Variants in CNGA1 observed in about 807,000 individuals in gnomAD.
The protein encoded by CNGA1 is cyclic nucleotide-gated channel alpha-1.
Under a neutral mutation model 69.7 loss-of-function variants are expected in CNGA1, and 53 were observed. The ratio of observed to expected loss-of-function variants is 0.76; its 90% CI spans 0.61 to 0.96. The LOEUF is 0.96. Among genes scored for constraint, CNGA1 ranks in the 40% least tolerant of loss-of-function variants. The pLI is 0.00. For missense variants in CNGA1, 739 were observed against 811.2 expected (o/e 0.91, Z 1.08); for synonymous variants, 249 against 283.5 (o/e 0.88, Z 1.22).
chr4:47,993,955 A>C lies in CNGA1; in HGVS notation c.-122-12455T>G, dbSNP rs755565323. ...TTTGACCCAGTGATCATTCAGGAGC[A>C]GGTTATTTAATTTCCATGATTTGCA... On this transcript the variant is annotated intron_variant, in intron 2 of 10. Transcript: ENST00000514170. Among the ~76,000 whole-genome samples, 5 of 152,198 alleles carry C rather than the reference A, an allele frequency of 3.3e-5. No individual in the cohort carries two copies. In the South Asian group the frequency reaches 6.2e-4, roughly 19 times the overall value.
At chr4:47,961,907 T>G (rs1219169796) in intron 3 of CNGA1, among the ~76,000 whole-genome samples, 1 of 152,224 alleles carries the variant, frequency 6.6e-6, no homozygotes, top group Non-Finnish European at 1.5e-5. Context: ...AACTTGACTA[T>G]GCGAACCTTC....
chr4:48,012,417 C>A (rs1259227579), intron 1 of CNGA1, among the ~76,000 whole-genome samples: 1 of 152,084 alleles, frequency 6.6e-6, no homozygotes, highest in Non-Finnish European at 1.5e-5. Flanking sequence ...GGGACCTTAG[C>A]AGTGTGGGAG....
At position 47,943,376 on chromosome 4, in the gene CNGA1, CTTTTCTTTTTTCT is replaced by C; in HGVS notation, c.311_323del (p.Lys104ArgfsTer86). The C allele has an allele frequency of 6.6e-7, 1 of 1,521,822 alleles. No homozygotes were observed. Among genetic ancestry groups the C allele is most frequent in the Non-Finnish European group, 8.8e-7 (1 of 1,134,150 alleles). 94.3% of individuals were successfully genotyped at this position (1,521,822 alleles called of 1,614,324 possible). ...AATTCTTGCCAAAGTCTTACCTCTT[CTTTTCTTTTTTCT>C]TTTTCTTTTTTTCTTCTGGTTCCCT... On this transcript the variant is annotated frameshift_variant, in exon 7 of 11. Transcript: ENST00000514170. LOFTEE classifies it high-confidence loss of function.
At chr4:47,951,542 T>C in intron 4 of CNGA1, 73 bp from the exon 5 acceptor site, 2 of 950,666 alleles carry the variant, frequency 2.1e-6, no homozygotes, top group Non-Finnish European at 3.4e-6. Context: ...CATTCCTCAC[T>C]AGGGGGACAA....
intron 2 of CNGA1, among the ~76,000 whole-genome samples, chr4:48,003,456 C>G (rs1488421899): frequency 2.0e-5 from 3 of 152,090 alleles, no homozygotes; most frequent in Admixed American, 6.6e-5. Context: ...ACATTTTCCC[C>G]CCTTTTCTGT....
chr4:47,977,728 ATTTT>A (rs1041197338), intron 3 of CNGA1, among the ~76,000 whole-genome samples: 1 of 152,078 alleles, frequency 6.6e-6, no homozygotes, highest in Non-Finnish European at 1.5e-5. Context: ...AAGCAACAAA[ATTTT>A]TTTAATTATT....
intron 4 of CNGA1, among the ~76,000 whole-genome samples, chr4:47,951,824 C>T (rs13131949): frequency 2.0e-4 from 31 of 152,226 alleles, no homozygotes; most frequent in African/African-American, 5.3e-4. Flanking sequence ...ACTAATGTTT[C>T]GTCCCACTAA....
At chr4:47,976,233 A>G (rs28729069) in intron 3 of CNGA1, among the ~76,000 whole-genome samples, 10 of 55,018 alleles carry the variant, frequency 1.8e-4, no homozygotes, top group East Asian at 4.0e-3. Context: ...ATATATATAC[A>G]TATATATGTA....
intron 2 of CNGA1, among the ~76,000 whole-genome samples, chr4:48,009,529 G>A (rs569601995): frequency 7.6e-4 from 113 of 149,604 alleles, no homozygotes; most frequent in African/African-American, 2.5e-3. Flanking sequence ...GGACAGCCAC[G>A]CACAGTGGCT....
At chr4:48,008,492 T>G (rs1206737007) in intron 2 of CNGA1, among the ~76,000 whole-genome samples, 1 of 152,210 alleles carries the variant, frequency 6.6e-6, no homozygotes, top group East Asian at 1.9e-4. Context: ...AAAGGACACT[T>G]TTTTCTAGAA....
intron 3 of CNGA1, among the ~76,000 whole-genome samples, chr4:47,976,147 ATG>A (rs1182012447): frequency 2.3e-5 from 1 of 43,598 alleles, no homozygotes; most frequent in African/African-American, 9.1e-5. Context: ...TTACTTTCAT[ATG>A]TATATATATA....
intron 2 of CNGA1, among the ~76,000 whole-genome samples, chr4:48,003,257 G>C (rs530366119): frequency 1.3e-5 from 2 of 152,304 alleles, no homozygotes; most frequent in South Asian, 2.1e-4. Context: ...GTAGATAAGA[G>C]ACAAATAGTT....
chr4:47,980,558 T>A (rs893858), intron 3 of CNGA1, among the ~76,000 whole-genome samples: 22,988 of 146,822 alleles, frequency 0.16, 2,209 homozygotes, highest in East Asian at 0.28. Flanking sequence ...CACTGCAACC[T>A]CAACCTCCTG....
intron 2 of CNGA1, among the ~76,000 whole-genome samples, chr4:47,992,303 G>T (rs904188442): frequency 2.0e-5 from 3 of 152,050 alleles, no homozygotes; most frequent in Non-Finnish European, 4.4e-5. Context: ...ATGAGCATGG[G>T]ATGTGTTTCC....
intron 6 of CNGA1, among the ~76,000 whole-genome samples, chr4:47,948,229 G>A (rs1371728): frequency 0.85 from 129,063 of 151,860 alleles, 55,191 homozygotes; most frequent in East Asian, 0.98. Context: ...TTGGGATCCA[G>A]TGGTCCTATC....
chr4:47,997,674 T>C (rs1235037320), intron 2 of CNGA1, among the ~76,000 whole-genome samples: 2 of 152,202 alleles, frequency 1.3e-5, no homozygotes, highest in African/African-American at 4.8e-5. Flanking sequence ...TTGGTGGTAG[T>C]GCTGTTTCAC....
At chr4:47,987,804 G>T (rs1169392260) in intron 2 of CNGA1, among the ~76,000 whole-genome samples, 1 of 152,172 alleles carries the variant, frequency 6.6e-6, no homozygotes, top group Non-Finnish European at 1.5e-5. Flanking sequence ...ATTTAGCAGA[G>T]ACCTGAATAT....
In CNGA1 at chr4:47,937,563, T is replaced by A; in HGVS notation, c.919A>T (p.Ile307Phe). 1 of 1,614,192 alleles carries A rather than the reference T, an allele frequency of 6.2e-7. No individual in the cohort carries two copies. The highest frequency in any genetic ancestry group is 8.5e-7 in the Non-Finnish European group (1 of 1,180,040). Residue 307 changes from isoleucine (I) to phenylalanine (F), a missense_variant, in exon 11 of 11, where the codon ATC (isoleucine) becomes TTC (phenylalanine). Transcript: ENST00000514170. ...TAGAACACACATGCATTCCAGTGGATAATGATGACGATATACATAACAAGG... is the reference window on the plus strand; with the variant it reads ...TAGAACACACATGCATTCCAGTGGAAAATGATGACGATATACATAACAAGG... ...SNLVMYIVII[I>F]HWNACVFYSI...
intron 3 of CNGA1, among the ~76,000 whole-genome samples, chr4:47,965,619 G>T (rs969200789): frequency 5.3e-5 from 8 of 151,938 alleles, no homozygotes; most frequent in Admixed American, 4.6e-4. Context: ...TAGAGATGAG[G>T]TTTCACCATG....
Sources: gnomAD v4.1 joint callset for allele counts (sites outside exome capture counted in the v4.1 genomes callset) on GRCh38, gnomAD v4.1.1 for gene constraint, MANE v1.5 for transcripts, NCBI Gene and HGNC (gene_info 2026-07-23, HGNC 2026-07-21) for gene names.